SMARCAD1: variants seen among roughly 807,000 people sequenced by gnomAD.
The protein encoded by SMARCAD1 is SWI/SNF-related matrix-associated actin-dependent regulator of chromatin subfamily A containing DEAD/H box 1.
In SMARCAD1, 25 loss-of-function variants were observed where a neutral mutation model predicts 127.1. The observed-to-expected ratio is 0.20, with a 90% CI of 0.14 to 0.27. The LOEUF (loss-of-function observed/expected upper bound fraction) is 0.27, where lower values mean the gene tolerates loss of function less well. SMARCAD1 is among the 10% of genes least tolerant of loss of function. SMARCAD1 has a pLI of 1.00. For synonymous variants in SMARCAD1, 400 were observed against 396.9 expected (o/e 1.01, Z -0.09); for missense variants, 807 against 1,206.0 (o/e 0.67, Z 4.90).
intron 2 of SMARCAD1, among the ~76,000 whole-genome samples, chr4:94,214,711 G>A (rs369862228): frequency 6.6e-6 from 1 of 152,130 alleles, no homozygotes; most frequent in Non-Finnish European, 1.5e-5. Flanking sequence ...ATTTTCCCTG[G>A]GGGGGATAAT....
intron 3 of SMARCAD1, among the ~76,000 whole-genome samples, chr4:94,227,167 G>A (rs978504509): frequency 1.3e-5 from 2 of 152,242 alleles, no homozygotes; most frequent in South Asian, 2.1e-4. Flanking sequence ...GGAATATCAT[G>A]TTCAGTGACT....
At chr4:94,241,525 T>G (rs1338849887) in intron 6 of SMARCAD1, among the ~76,000 whole-genome samples, 3 of 152,206 alleles carry the variant, frequency 2.0e-5, no homozygotes, top group Non-Finnish European at 4.4e-5. Flanking sequence ...TCTGAGGTAC[T>G]GGGCATTAGG....
At chr4:94,225,750 G>A (rs989866334) in intron 2 of SMARCAD1, among the ~76,000 whole-genome samples, 1 of 152,144 alleles carries the variant, frequency 6.6e-6, no homozygotes, top group Non-Finnish European at 1.5e-5. Context: ...AGGAAATTAA[G>A]GCTTAGAGAA....
chr4:94,236,934 C>T lies in SMARCAD1; in HGVS notation c.538-18C>T. ...TAAAGTGCTGATTTAAAACATTAAT[C>T]TTTTCTCGTTCTGTTAGTTGATTGA... On this transcript the variant is annotated intron_variant, in intron 4 of 23. Transcript: ENST00000354268. 1 of 1,600,866 alleles carries T rather than the reference C, an allele frequency of 6.2e-7. No individual in the cohort carries two copies. The highest frequency in any genetic ancestry group is 8.6e-7 in the Non-Finnish European group (1 of 1,168,760).
At chr4:94,220,898 A>G (rs1744015102) in intron 2 of SMARCAD1, among the ~76,000 whole-genome samples, 1 of 152,230 alleles carries the variant, frequency 6.6e-6, no homozygotes, top group African/African-American at 2.4e-5. Context: ...CAAAATGTGA[A>G]GTACGCATCA....
chr4:94,222,289 GTAAA>G (rs898277273), intron 2 of SMARCAD1, among the ~76,000 whole-genome samples: 6 of 152,172 alleles, frequency 3.9e-5, no homozygotes, highest in East Asian at 3.9e-4. Context: ...TTGGTTTTAA[GTAAA>G]TAAATATTTA....
In SMARCAD1 at chr4:94,289,990, A is replaced by G. The variant is rs1057315644; in HGVS notation, c.*456A>G. The G allele has an allele frequency of 2.6e-5, 12 of 454,248 alleles. No homozygotes were observed. The highest frequency in any genetic ancestry group is 2.0e-4 in the African/African-American group (10 of 49,970). 28.1% of individuals were successfully genotyped at this position (454,248 alleles called of 1,614,324 possible). On this transcript the variant is annotated 3_prime_UTR_variant, in exon 24 of 24. Coordinates refer to ENST00000354268, the MANE Select transcript of SMARCAD1 (RefSeq NM_020159.5). ...ATTTGAAGTTCTTTTTTATTATGTT[A>G]AAGAATGCAGCTGTATAGATTATAT...
At chr4:94,274,528 G>T (rs1045568438) in intron 12 of SMARCAD1, among the ~76,000 whole-genome samples, 74 of 152,192 alleles carry the variant, frequency 4.9e-4, no homozygotes, top group South Asian at 1.5e-3. Flanking sequence ...TGTTGGCCAG[G>T]CTGGTATCAA....
intron 3 of SMARCAD1, among the ~76,000 whole-genome samples, chr4:94,233,685 C>A (rs1746199212): frequency 6.6e-6 from 1 of 152,112 alleles, no homozygotes; most frequent in African/African-American, 2.4e-5. Context: ...TGAGTCCTAA[C>A]AAAATAAATG....
At chr4:94,254,444 A>G (rs1380664166) in intron 9 of SMARCAD1, among the ~76,000 whole-genome samples, 1 of 152,136 alleles carries the variant, frequency 6.6e-6, no homozygotes. Context: ...ACTTGCCCGA[A>G]TATCTTATAG....
chr4:94,284,419 GT>G (rs1273173483), intron 22 of SMARCAD1, among the ~76,000 whole-genome samples: 1 of 139,888 alleles, frequency 7.1e-6, no homozygotes, highest in Non-Finnish European at 1.5e-5. Context: ...GTTTTGTTTT[GT>G]TTTTGAGACA....
intron 11 of SMARCAD1, among the ~76,000 whole-genome samples, chr4:94,272,600 CTA>C (rs1224586197): frequency 6.6e-6 from 1 of 151,970 alleles, no homozygotes; most frequent in Non-Finnish European, 1.5e-5. Flanking sequence ...ATACTCTATA[CTA>C]TTTGTTTTTG....
Position 94,280,774 on chromosome 4 carries a change from A to G in SMARCAD1, c.2601A>G (p.Lys867=). 6.2e-7 allele frequency: 1 copy of G among 1,613,556 alleles called. No individual in the cohort carries two copies. Among genetic ancestry groups the G allele is most frequent in the Admixed American group, 1.7e-5 (1 of 60,008 alleles). The change falls in exon 20 of 24, where the codon AAA becomes AAG. Residue 867 remains lysine (K), a synonymous_variant. Transcript: ENST00000354268. ...TAGGATGCATCTTGTCTGAATTGAAACAGAAGGTATTAAAAAAGAATGGCG... is the reference window on the plus strand; with the variant it reads ...TAGGATGCATCTTGTCTGAATTGAAGCAGAAGGTATTAAAAAAGAATGGCG... ...RVLGCILSEL[K]QKGDRVVLFS...
At chr4:94,238,708 T>C (rs758870741) in intron 5 of SMARCAD1, among the ~76,000 whole-genome samples, 16 of 152,350 alleles carry the variant, frequency 1.1e-4, no homozygotes, top group South Asian at 4.1e-4. Flanking sequence ...GGAAGTTTTG[T>C]AGCTTCCCAA....
intron 2 of SMARCAD1, among the ~76,000 whole-genome samples, chr4:94,222,154 G>T (rs1431158085): frequency 6.6e-6 from 1 of 152,168 alleles, no homozygotes; most frequent in African/African-American, 2.4e-5. Flanking sequence ...AAGAAGAGAT[G>T]AGTCAGCTAC....
intron 22 of SMARCAD1, 133 bp downstream of exon 22, chr4:94,283,436 T>A (rs1453202202): frequency 6.4e-6 from 5 of 778,640 alleles, no homozygotes; most frequent in Non-Finnish European, 1.1e-5. Context: ...ATGTATTTTA[T>A]ACCAGCAGTG....
rs546643124 is a variant in SMARCAD1, at chr4:94,290,833, T to C, written c.*1299T>C. ...ATTTATAAATCAAAGATTTGTTAAT[T>C]TTTGGAAATCATGCTTTTCAAAGCA... On this transcript the variant is annotated 3_prime_UTR_variant, in exon 24 of 24. Transcript: ENST00000354268. 1 of 437,480 alleles carries C rather than the reference T, an allele frequency of 2.3e-6. No homozygotes were observed. The highest frequency in any genetic ancestry group is 1.7e-5 in the South Asian group (1 of 58,656). The allele number at this position is 437,480 out of a possible 1,614,324, so 27.1% of individuals were successfully genotyped here. A position where few individuals can be genotyped will look rare whatever the true frequency, so the allele number is the denominator to read the frequency against.
intron 16 of SMARCAD1, among the ~76,000 whole-genome samples, chr4:94,278,076 C>A (rs765639196): frequency 1.2e-4 from 19 of 152,172 alleles, no homozygotes; most frequent in Admixed American, 2.0e-4. Flanking sequence ...ACCCCCCACG[C>A]TCCTCCTTAC....
intron 22 of SMARCAD1, among the ~76,000 whole-genome samples, chr4:94,283,574 C>T (rs1243895261): frequency 6.6e-6 from 1 of 152,184 alleles, no homozygotes; most frequent in Non-Finnish European, 1.5e-5. Context: ...GCCTGTAATC[C>T]CAGCACTTTG....
Sources: allele counts gnomAD v4.1 joint callset (sites outside exome capture counted in the v4.1 genomes callset), GRCh38; gene constraint gnomAD v4.1.1; transcripts MANE v1.5; gene names NCBI Gene and HGNC (gene_info 2026-07-23, HGNC 2026-07-21).